Variants in CFAP251 observed in about 807,000 individuals in gnomAD.
CFAP251 encodes cilia and flagella associated protein 251, also known as cilia- and flagella-associated protein 251.
In CFAP251, 93 loss-of-function variants were observed where a neutral mutation model predicts 126.7. The observed-to-expected ratio is 0.73, with a 90% CI of 0.62 to 0.87. The LOEUF is 0.87. Ranked by LOEUF, CFAP251 falls within the 40% of genes least tolerant of loss-of-function variation. The pLI is 0.00. For missense variants in CFAP251, 1,287 were observed against 1,389.2 expected, an observed-to-expected ratio of 0.93 and a Z score of 1.17; for synonymous variants, 503 against 506.9, an observed-to-expected ratio of 0.99 and a Z score of 0.10.
intron 1 of CFAP251, among the ~76,000 whole-genome samples, chr12:121,919,906 G>A (rs181009489): frequency 2.0e-5 from 3 of 152,150 alleles, no homozygotes; most frequent in South Asian, 2.1e-4. Flanking sequence ...TCCCAGCTGC[G>A]CGTGATGGCT....
intron 19 of CFAP251, among the ~76,000 whole-genome samples, chr12:121,980,199 G>C (rs1882585409): frequency 6.6e-6 from 1 of 152,180 alleles, no homozygotes; most frequent in Non-Finnish European, 1.5e-5. Context: ...CTTGGAGTGT[G>C]GGGTGGGCTC....
Position 121,966,452 on chromosome 12 carries a change from A to G in CFAP251, c.2493-503A>G, listed in dbSNP as rs1295816853. ...ATTTTTTTTTTTTTTTTTTTTTTTT[A>G]GTAGAGGTGGTGTTTCACCATGTTG... On this transcript the variant is annotated intron_variant, in intron 15 of 21. Transcript: ENST00000288912. Among the ~76,000 whole-genome samples, 69 of 14,416 alleles carry G rather than the reference A, an allele frequency of 4.8e-3. 1 individual carries two copies. The highest frequency in any genetic ancestry group is 8.5e-3 in the African/African-American group (58 of 6,804). The allele number at this position is 14,416 out of a possible 152,430, so 9.5% of individuals were successfully genotyped here. A position where few individuals can be genotyped will look rare whatever the true frequency, so the allele number is the denominator to read the frequency against.
chr12:121,962,272 T>C (rs1271051152), intron 15 of CFAP251, 110 bp downstream of exon 15: 1 of 987,336 alleles, frequency 1.0e-6, no homozygotes, highest in African/African-American at 1.6e-5. Flanking sequence ...ACTATTATCA[T>C]CCTCTTTGCT....
At chr12:121,986,883 G>A (rs538210745) in intron 19 of CFAP251, among the ~76,000 whole-genome samples, 29 of 152,100 alleles carry the variant, frequency 1.9e-4, no homozygotes, top group African/African-American at 6.3e-4. Context: ...GGGAGACCTC[G>A]GACATACATT....
chr12:121,935,362 C>A (rs1408466888), intron 5 of CFAP251, among the ~76,000 whole-genome samples: 1 of 152,144 alleles, frequency 6.6e-6, no homozygotes, highest in Non-Finnish European at 1.5e-5. Context: ...AACCCCACAC[C>A]CAGGTTCCCA....
chr12:121,985,570 A>G (rs1454077459), intron 19 of CFAP251, among the ~76,000 whole-genome samples: 1 of 150,990 alleles, frequency 6.6e-6, no homozygotes, highest in East Asian at 1.9e-4. Context: ...TGTATCCTAC[A>G]GAAAAACTCA....
At chr12:121,971,767 G>C (rs1592995862) in intron 17 of CFAP251, 3 of 600,890 alleles carry the variant, frequency 5.0e-6, no homozygotes, top group Non-Finnish European at 9.0e-6. Flanking sequence ...ATATGGTTTG[G>C]CTCTGTGTTC....
At chr12:121,934,573 T>G (rs1880815452) in intron 5 of CFAP251, among the ~76,000 whole-genome samples, 1 of 152,206 alleles carries the variant, frequency 6.6e-6, no homozygotes, top group Admixed American at 6.5e-5. Context: ...AAACATTACT[T>G]CTACAAGGAC....
At chr12:121,998,673 G>C (rs1883080300) in intron 19 of CFAP251, 1 of 149,698 alleles carries the variant, frequency 6.7e-6, no homozygotes, top group East Asian at 2.0e-4. Context: ...CAGATTGCTT[G>C]AGCCCAGGAG....
At chr12:121,977,985 AAAAAT>A (rs945430614) in intron 19 of CFAP251, among the ~76,000 whole-genome samples, 2 of 151,610 alleles carry the variant, frequency 1.3e-5, no homozygotes, top group Non-Finnish European at 1.5e-5. Context: ...ATAAATAAAT[AAAAAT>A]AAAATAAAAT....
At chr12:121,919,758 A>G (rs189648213) in intron 1 of CFAP251, among the ~76,000 whole-genome samples, 1 of 152,196 alleles carries the variant, frequency 6.6e-6, no homozygotes, top group Non-Finnish European at 1.5e-5. Context: ...TATGTGGGTT[A>G]TGCATTTTGC....
chr12:121,921,491 G>GGAGGAGGAGAAGAAA lies in CFAP251; in HGVS notation c.195_196insAAGAAAGAGGAGGAG (p.Glu65_Gly66insLysLysGluGluGlu). 6 of 1,607,928 alleles carry GGAGGAGGAGAAGAAA rather than the reference G, an allele frequency of 3.7e-6. No individual in the cohort carries two copies. Among genetic ancestry groups the GGAGGAGGAGAAGAAA allele is most frequent in the Non-Finnish European group, 5.1e-6 (6 of 1,176,722 alleles). On this transcript the variant is annotated inframe_insertion, in exon 2 of 22. Transcript: ENST00000288912. ...AGAGGAAAACGGGCGAGGAGGAAGGGGAGGAGGAGGGGAAGGAGGACAAAA... is the reference window on the plus strand; with the variant it reads ...AGAGGAAAACGGGCGAGGAGGAAGGGGAGGAGGAGAAGAAAGAGGAGGAGGGGAAGGAGGACAAAA...
rs1565902777 is a variant in CFAP251 at position 121,928,687 on chromosome 12, TACGTATATATATATATA to T, written c.748-3058_748-3042del. On this transcript the variant is annotated intron_variant, in intron 3 of 21. Coordinates refer to ENST00000288912, the MANE Select transcript of CFAP251 (RefSeq NM_144668.6). ...ATATATACGTATATATATATATATA[TACGTATATATATATATA>T]TTTTTTTTTTGAGACAGGGTCTTGC... is the stretch of plus-strand genomic sequence containing the variant. Among the ~76,000 whole-genome samples, 24 of 35,328 alleles carry T rather than the reference TACGTATATATATATATA, an allele frequency of 6.8e-4. 3 individuals are homozygous for T. Among genetic ancestry groups the T allele is most frequent in the African/African-American group, 1.4e-3 (21 of 14,608 alleles). The allele number at this position is 35,328 out of a possible 152,430, so 23.2% of individuals were successfully genotyped here. A position where few individuals can be genotyped will look rare whatever the true frequency, so the allele number is the denominator to read the frequency against.
At position 121,968,137 on chromosome 12, in the gene CFAP251, T is replaced by A; in HGVS notation, c.2739T>A (p.Asp913Glu). ...ACGCCTTCACTGCGGGAGGGCACGATCGCTCGGTGGTGCAGTGGAAAATCA... is the reference window on the plus strand; with the variant it reads ...ACGCCTTCACTGCGGGAGGGCACGAACGCTCGGTGGTGCAGTGGAAAATCA... ...GCYAFTAGGH[D>E]RSVVQWKITL... Residue 913 changes from aspartate (D) to glutamate (E), a missense_variant, in exon 17 of 22, where the codon GAT becomes GAA. By Grantham distance (45) the Asp-to-Glu change is conservative. Transcript: ENST00000288912. The A allele has an allele frequency of 6.2e-7, 1 of 1,611,392 alleles. No individual in the cohort carries two copies.
intron 4 of CFAP251, chr12:121,932,143 T>A (rs991743900): frequency 3.8e-6 from 1 of 263,286 alleles, no homozygotes; most frequent in Non-Finnish European, 7.0e-6. Context: ...TTTTTTACAC[T>A]TCTGCAAAAA....
chr12:121,980,387 C>G (rs1463758515), intron 19 of CFAP251, among the ~76,000 whole-genome samples: 1 of 151,860 alleles, frequency 6.6e-6, no homozygotes, highest in South Asian at 2.1e-4. Context: ...AAAGTGGGCC[C>G]CTCTTCATTC....
chr12:121,950,171 A>G (rs1350377309), intron 8 of CFAP251: 1 of 152,252 alleles, frequency 6.6e-6, no homozygotes, highest in African/African-American at 2.4e-5. Flanking sequence ...ATGCTGTGAC[A>G]TGGATCAGCC....
At chr12:121,931,255 C>T (rs1486524936) in intron 3 of CFAP251, among the ~76,000 whole-genome samples, 2 of 152,016 alleles carry the variant, frequency 1.3e-5, no homozygotes, top group Non-Finnish European at 2.9e-5. Flanking sequence ...ATATAATTAA[C>T]ATGCCATAAA....
rs1019705374 is a variant in CFAP251 at position 121,918,859 on chromosome 12, T to C, written c.-21+164T>C. Reference sequence around the variant, plus strand: ...CTGAGTTGGAGGCAGAGGCCGCACCTGGGCTTTAATCCCCTCGCAGAGCCA... The same window carrying C: ...CTGAGTTGGAGGCAGAGGCCGCACCCGGGCTTTAATCCCCTCGCAGAGCCA... On this transcript the variant is annotated intron_variant, in intron 1 of 21. Transcript: ENST00000288912. This position sits in a 1 kb window ranked among gnomAD's most constrained non-coding sequence, Gnocchi z 4.3. 2.6e-5 allele frequency among the ~76,000 whole-genome samples: 4 copies of C among 152,122 alleles called. No individual in the cohort carries two copies. Among genetic ancestry groups the C allele is most frequent in the Admixed American group, 1.3e-4 (2 of 15,268 alleles).
Sources: allele counts gnomAD v4.1 joint callset (sites outside exome capture counted in the v4.1 genomes callset), GRCh38; gene constraint gnomAD v4.1.1; non-coding constraint Gnocchi (gnomAD v3.1); transcripts MANE v1.5; gene names NCBI Gene and HGNC (gene_info 2026-07-23, HGNC 2026-07-21).